Variants in NCAM2 observed in about 807,000 individuals in gnomAD.
NCAM2 encodes the protein N-CAM-2.
In NCAM2, 30 loss-of-function variants were observed where a neutral mutation model predicts 98.1. That is an observed-to-expected ratio of 0.31 (90% CI 0.23 to 0.41). The LOEUF (loss-of-function observed/expected upper bound fraction) is 0.41. NCAM2 is among the 10% of genes least tolerant of loss of function. The pLI is 1.00. For synonymous variants in NCAM2, 368 were observed against 342.4 expected (o/e 1.07, Z -0.83); for missense variants, 867 against 1,005.8 (o/e 0.86, Z 1.87).
intron 5 of NCAM2, among the ~76,000 whole-genome samples, chr21:21,299,434 A>G (rs17805313): frequency 3.0e-4 from 45 of 151,770 alleles, no homozygotes; most frequent in Non-Finnish European, 5.7e-4. Context: ...TGAAATAACC[A>G]CTCAGTTATA....
intron 15 of NCAM2, among the ~76,000 whole-genome samples, chr21:21,497,075 G>A (rs1987294339): frequency 6.6e-6 from 1 of 152,038 alleles, no homozygotes. Context: ...TAGATAGAGC[G>A]GGAGGCCATA....
chr21:21,265,985 T>C (rs1053305430), intron 1 of NCAM2, among the ~76,000 whole-genome samples: 1 of 152,118 alleles, frequency 6.6e-6, no homozygotes, highest in African/African-American at 2.4e-5. Flanking sequence ...ATGAAAAATA[T>C]TAATGAATAA....
chr21:21,460,881 G>T (rs1468791558), intron 12 of NCAM2, among the ~76,000 whole-genome samples: 1 of 151,608 alleles, frequency 6.6e-6, no homozygotes, highest in Non-Finnish European at 1.5e-5. Context: ...CAGCACAGAA[G>T]AGAGAAGAGC....
At chr21:21,037,555 G>A (rs987866969) in intron 1 of NCAM2, among the ~76,000 whole-genome samples, 4 of 152,108 alleles carry the variant, frequency 2.6e-5, no homozygotes, top group African/African-American at 7.2e-5. Flanking sequence ...ATAAGAAATG[G>A]CAGGCATTTA....
intron 1 of NCAM2, among the ~76,000 whole-genome samples, chr21:21,059,344 T>A (rs2146322959): frequency 6.6e-6 from 1 of 152,184 alleles, no homozygotes; most frequent in African/African-American, 2.4e-5. Context: ...GAGAGGGTAT[T>A]GGAAGAAAAT....
intron 1 of NCAM2, among the ~76,000 whole-genome samples, chr21:21,216,791 T>C (rs1046816477): frequency 2.6e-5 from 4 of 152,176 alleles, no homozygotes; most frequent in Non-Finnish European, 5.9e-5. Flanking sequence ...TCTGAAAATA[T>C]GAAGAGAGTC....
chr21:21,277,805 A>T (rs1323073514), intron 1 of NCAM2, among the ~76,000 whole-genome samples: 1 of 152,164 alleles, frequency 6.6e-6, no homozygotes, highest in African/African-American at 2.4e-5. Context: ...AAAAGAGATT[A>T]AAGAGGCAAA....
chr21:21,511,829 T>C (rs915289528), intron 16 of NCAM2, among the ~76,000 whole-genome samples: 1 of 152,052 alleles, frequency 6.6e-6, no homozygotes, highest in Non-Finnish European at 1.5e-5. Flanking sequence ...TGGTTTTGAT[T>C]TGCATTTCTC....
At chr21:21,537,819 T>C (rs1361517659) in intron 17 of NCAM2, 27 bp from the exon 18 acceptor site, 1 of 1,241,282 alleles carries the variant, frequency 8.1e-7, no homozygotes, top group Non-Finnish European at 1.1e-6. Flanking sequence ...CCTCAGAAAA[T>C]GAAGCTTATT....
chr21:21,080,656 C>CAAAA (rs1340023403), intron 1 of NCAM2, among the ~76,000 whole-genome samples: 23 of 52,896 alleles, frequency 4.3e-4, no homozygotes, highest in Non-Finnish European at 5.4e-4. Context: ...GATAAGATCT[C>CAAAA]AAAAAAAAAA....
chr21:21,089,350 T>C (rs2065967706), intron 1 of NCAM2, among the ~76,000 whole-genome samples: 1 of 152,180 alleles, frequency 6.6e-6, no homozygotes, highest in Non-Finnish European at 1.5e-5. Context: ...GTATAAGTGA[T>C]TATTTTGGCC....
At chr21:21,157,485 G>C (rs1420712895) in intron 1 of NCAM2, among the ~76,000 whole-genome samples, 6 of 152,090 alleles carry the variant, frequency 3.9e-5, no homozygotes, top group East Asian at 1.9e-4. Flanking sequence ...ATACCATATA[G>C]GGTTATGATC....
chr21:21,125,621 A>G (rs1450231173), intron 1 of NCAM2, among the ~76,000 whole-genome samples: 2 of 135,862 alleles, frequency 1.5e-5, no homozygotes, highest in African/African-American at 5.4e-5. Flanking sequence ...ATAATATGTT[A>G]TATATAATAT....
chr21:21,411,356 G>A (rs552039569), intron 10 of NCAM2, among the ~76,000 whole-genome samples: 19 of 149,810 alleles, frequency 1.3e-4, no homozygotes, highest in Non-Finnish European at 2.2e-4. Flanking sequence ...CAGTCTGGCA[G>A]GTATAAATGC....
At chr21:21,062,483 A>G (rs114917503) in intron 1 of NCAM2, among the ~76,000 whole-genome samples, 66 of 152,304 alleles carry the variant, frequency 4.3e-4, no homozygotes, top group African/African-American at 1.5e-3. Flanking sequence ...AATGTTGGGC[A>G]TCTATTCAGA....
chr21:21,222,546 A>C (rs975673183), intron 1 of NCAM2, among the ~76,000 whole-genome samples: 1 of 152,184 alleles, frequency 6.6e-6, no homozygotes, highest in African/African-American at 2.4e-5. Context: ...ATTATCAGTC[A>C]GAATGTAACT....
chr21:21,506,862 C>A (rs546325848), intron 15 of NCAM2, among the ~76,000 whole-genome samples: 1 of 151,890 alleles, frequency 6.6e-6, no homozygotes, highest in South Asian at 2.1e-4. Flanking sequence ...TCATGAAAAA[C>A]AAAATAATTT....
chr21:21,485,098 C>T (rs1051011134), intron 15 of NCAM2, among the ~76,000 whole-genome samples: 1 of 151,940 alleles, frequency 6.6e-6, no homozygotes, highest in Non-Finnish European at 1.5e-5. Flanking sequence ...AAAACATAAG[C>T]ATTATATTTT....
intron 1 of NCAM2, among the ~76,000 whole-genome samples, chr21:21,179,374 G>A (rs907328891): frequency 1.3e-5 from 2 of 151,892 alleles, no homozygotes; most frequent in Non-Finnish European, 2.9e-5. Context: ...GTACAAAGTC[G>A]AGTATACCCG....
Sources: allele counts gnomAD v4.1 joint callset (sites outside exome capture counted in the v4.1 genomes callset), GRCh38; gene constraint gnomAD v4.1.1; transcripts MANE v1.5; gene names NCBI Gene and HGNC (gene_info 2026-07-23, HGNC 2026-07-21).